ROBO1: variants seen among roughly 807,000 people sequenced by gnomAD.
ROBO1 encodes roundabout guidance receptor 1.
In ROBO1, 149 loss-of-function variants were observed where a neutral mutation model predicts 195.9. The observed-to-expected ratio is 0.76, with a 90% CI of 0.67 to 0.87. The LOEUF is 0.87. Among genes scored for constraint, ROBO1 ranks in the 40% least tolerant of loss-of-function variants. The pLI is 0.00. For missense variants in ROBO1, 1,933 were observed against 2,068.3 expected, an observed-to-expected ratio of 0.93 and a Z score of 1.27; for synonymous variants, 816 against 733.2, an observed-to-expected ratio of 1.11 and a Z score of -1.82.
intron 5 of ROBO1, among the ~76,000 whole-genome samples, chr3:78,742,834 C>G (rs548828685): frequency 1.3e-5 from 2 of 152,246 alleles, no homozygotes; most frequent in East Asian, 3.9e-4. Context: ...CTTACATTGA[C>G]TAGAAGCTAC....
At chr3:79,654,424 C>A (rs1175824642) in intron 1 of ROBO1, among the ~76,000 whole-genome samples, 1 of 151,862 alleles carries the variant, frequency 6.6e-6, no homozygotes, top group East Asian at 1.9e-4. Flanking sequence ...TGTCATTTTA[C>A]ATAAGAGAAA....
At chr3:79,347,589 T>A (rs2035173090) in intron 2 of ROBO1, among the ~76,000 whole-genome samples, 1 of 152,176 alleles carries the variant, frequency 6.6e-6, no homozygotes, top group Admixed American at 6.5e-5. Context: ...ATCTGACATG[T>A]TAAGGAATTT....
At chr3:79,166,383 C>T (rs2081063686) in intron 2 of ROBO1, among the ~76,000 whole-genome samples, 1 of 151,990 alleles carries the variant, frequency 6.6e-6, no homozygotes, top group African/African-American at 2.4e-5. Context: ...TCATCTTATA[C>T]CTTCAATTGG....
In ROBO1 at chr3:79,511,267, C is replaced by G. The variant is rs116445458; in HGVS notation, c.88+78557G>C. Among the ~76,000 whole-genome samples the G allele has an allele frequency of 9.4e-3, 1,425 of 152,178 alleles. 16 individuals are homozygous for G. The highest frequency in any genetic ancestry group is 0.032 in the African/African-American group (1,331 of 41,528). On this transcript the variant is annotated intron_variant, in intron 2 of 30. Transcript: ENST00000464233. ...TAGAAATAATGGACAATTAAATGAT[C>G]GCAAATTTTTCAACTTCATCAGTAA...
intron 2 of ROBO1, among the ~76,000 whole-genome samples, chr3:79,572,612 C>A (rs1310895507): frequency 6.6e-6 from 1 of 151,962 alleles, no homozygotes; most frequent in Non-Finnish European, 1.5e-5. Flanking sequence ...TAATAAAATG[C>A]AATCTTAATC....
intron 2 of ROBO1, among the ~76,000 whole-genome samples, chr3:79,308,823 C>A (rs1324282335): frequency 6.6e-6 from 1 of 152,320 alleles, no homozygotes; most frequent in East Asian, 1.9e-4. Context: ...ATAGCTATTT[C>A]ATGCTATCCT....
At chr3:79,459,765 T>TA (rs1339100176) in intron 2 of ROBO1, among the ~76,000 whole-genome samples, 1 of 152,078 alleles carries the variant, frequency 6.6e-6, no homozygotes, top group African/African-American at 2.4e-5. Context: ...TTCACTATTT[T>TA]AAAAAGCAAT....
chr3:79,105,314 C>G (rs2079757976), intron 3 of ROBO1, among the ~76,000 whole-genome samples: 1 of 151,536 alleles, frequency 6.6e-6, no homozygotes, highest in Non-Finnish European at 1.5e-5. Context: ...CATAATCAGG[C>G]AATTTAGAGA....
intron 1 of ROBO1, among the ~76,000 whole-genome samples, chr3:79,719,261 A>C (rs1322418163): frequency 2.0e-5 from 3 of 152,122 alleles, no homozygotes. Flanking sequence ...ATGCCTAAGC[A>C]GTCTAGTATT....
intron 1 of ROBO1, among the ~76,000 whole-genome samples, chr3:79,624,208 G>A (rs1217416570): frequency 4.0e-5 from 6 of 151,828 alleles, no homozygotes; most frequent in African/African-American, 1.5e-4. Flanking sequence ...TATAAAATAT[G>A]GAAAGGAAAA....
intron 2 of ROBO1, among the ~76,000 whole-genome samples, chr3:79,462,499 C>A (rs1012636072): frequency 6.6e-6 from 1 of 152,096 alleles, no homozygotes; most frequent in Non-Finnish European, 1.5e-5. Flanking sequence ...AGAGTAGGGA[C>A]TATATGTGTA....
intron 2 of ROBO1, among the ~76,000 whole-genome samples, chr3:79,583,291 AG>A (rs1372383387): frequency 6.6e-6 from 1 of 152,014 alleles, no homozygotes; most frequent in Non-Finnish European, 1.5e-5. Context: ...AAGGGGAAAA[AG>A]AATGTGAGGA....
At chr3:78,907,166 C>CA (rs2037972433) in intron 4 of ROBO1, among the ~76,000 whole-genome samples, 2 of 152,050 alleles carry the variant, frequency 1.3e-5, no homozygotes, top group South Asian at 4.1e-4. Flanking sequence ...CAACATTTTG[C>CA]AATGTTATGT....
intron 2 of ROBO1, among the ~76,000 whole-genome samples, chr3:79,206,443 G>T (rs577403097): frequency 2.6e-5 from 4 of 152,212 alleles, no homozygotes; most frequent in African/African-American, 9.6e-5. Context: ...AATATTGTAT[G>T]CTGAAGTCAC....
chr3:79,575,921 A>G (rs1943471067), intron 2 of ROBO1, among the ~76,000 whole-genome samples: 2 of 151,932 alleles, frequency 1.3e-5, no homozygotes, highest in Admixed American at 1.3e-4. Flanking sequence ...TAGAACCAAC[A>G]GTTGTAACCT....
At chr3:79,290,254 G>A (rs1162303791) in intron 2 of ROBO1, among the ~76,000 whole-genome samples, 1 of 151,824 alleles carries the variant, frequency 6.6e-6, no homozygotes, top group East Asian at 1.9e-4. Context: ...GGCTGGTCTC[G>A]AACCCCTGAC....
At chr3:78,688,569 A>C (rs747098922) in intron 9 of ROBO1, 79 bp downstream of exon 9, 31 of 1,393,468 alleles carry the variant, frequency 2.2e-5, no homozygotes, top group Admixed American at 2.7e-5. Context: ...TGACTAAGTA[A>C]TATGTTGGTT....
At chr3:79,448,280 C>T (rs1575838977) in intron 2 of ROBO1, among the ~76,000 whole-genome samples, 1 of 152,038 alleles carries the variant, frequency 6.6e-6, no homozygotes, top group East Asian at 1.9e-4. Flanking sequence ...CAAAAGTATT[C>T]CAATATAAGC....
rs182453753 is a variant in ROBO1, at chr3:78,703,698, T to G, written c.1045+10699A>C. On this transcript the variant is annotated intron_variant, in intron 8 of 30. Coordinates refer to ENST00000464233, the MANE Select transcript of ROBO1 (RefSeq NM_002941.4). ...TTGAATAAGACTCTTGAGATTAGTA[T>G]TAAGAGTATCCATACATACAAGCAG... is the stretch of plus-strand genomic sequence containing the variant. Among the ~76,000 whole-genome samples the G allele has an allele frequency of 2.6e-3, 396 of 152,158 alleles. 1 individual carries two copies. The highest frequency in any genetic ancestry group is 4.5e-3 in the Non-Finnish European group (306 of 68,026).
Sources: allele counts gnomAD v4.1 joint callset (sites outside exome capture counted in the v4.1 genomes callset), GRCh38; gene constraint gnomAD v4.1.1; transcripts MANE v1.5; gene names NCBI Gene and HGNC (gene_info 2026-07-23, HGNC 2026-07-21).